LETM1: variants seen among roughly 807,000 people sequenced by gnomAD.
LETM1 encodes leucine zipper and EF-hand containing transmembrane protein 1.
In LETM1, 50 loss-of-function variants were observed where a neutral mutation model predicts 74.5. The ratio of observed to expected loss-of-function variants is 0.67; its 90% CI spans 0.53 to 0.85. LETM1 has a LOEUF of 0.85. Ranked by LOEUF, LETM1 falls within the 40% of genes least tolerant of loss-of-function variation. LETM1 has a pLI of 0.00. For missense variants in LETM1, 824 were observed against 967.8 expected (o/e 0.85, Z 1.97); for synonymous variants, 446 against 407.1 (o/e 1.10, Z -1.15).
At chr4:1,850,677 A>C (rs1409981237) in intron 1 of LETM1, among the ~76,000 whole-genome samples, 1 of 150,384 alleles carries the variant, frequency 6.6e-6, no homozygotes, top group Non-Finnish European at 1.5e-5. Context: ...AATTACTAGA[A>C]CCACAGGCCG....
intron 3 of LETM1, among the ~76,000 whole-genome samples, chr4:1,839,997 C>T (rs1318309196): frequency 1.3e-5 from 2 of 152,152 alleles, no homozygotes; most frequent in Non-Finnish European, 2.9e-5. Flanking sequence ...ATTAATCAAA[C>T]CCAAAGGGGT....
chr4:1,822,324 G>T lies in LETM1; in HGVS notation c.1477-12C>A. The T allele has an allele frequency of 6.8e-7, 1 of 1,480,592 alleles. No individual in the cohort carries two copies. Among genetic ancestry groups the T allele is most frequent in the Non-Finnish European group, 9.0e-7 (1 of 1,105,502 alleles). 91.7% of individuals were successfully genotyped at this position (1,480,592 alleles called of 1,614,324 possible). On this transcript the variant is annotated splice_polypyrimidine_tract_variant and intron_variant, in intron 9 of 13. Transcript: ENST00000302787. ...GGCTCAAAATCCTTCTGAAAGGCAA[G>T]GCGACACCAGCCCAGCGCCCGCCAT...
Position 1,814,120 on chromosome 4 carries a change from A to G in LETM1, c.*304T>C. On this transcript the variant is annotated 3_prime_UTR_variant, in exon 14 of 14. Transcript: ENST00000302787. ...GCAGCACAGTCAGATGCTGAGACTG[A>G]GGCCACACACATGGGGGCGCCTTCC... 2.5e-6 allele frequency: 1 copy of G among 406,438 alleles called. No homozygotes were observed. The highest frequency in any genetic ancestry group is 4.6e-6 in the Non-Finnish European group (1 of 216,344). 25.2% of individuals were successfully genotyped at this position (406,438 alleles called of 1,614,324 possible). A position where few individuals can be genotyped will look rare whatever the true frequency, so the allele number is the denominator to read the frequency against.
intron 6 of LETM1, among the ~76,000 whole-genome samples, chr4:1,827,599 T>C (rs1272844792): frequency 8.1e-6 from 1 of 124,014 alleles, no homozygotes; most frequent in African/African-American, 3.2e-5. Context: ...GAGCACAGGG[T>C]TGGGGGTAAG....
At chr4:1,827,384 G>GAT (rs1207131156) in intron 6 of LETM1, among the ~76,000 whole-genome samples, 1 of 127,208 alleles carries the variant, frequency 7.9e-6, no homozygotes, top group Admixed American at 8.2e-5. Context: ...AAGGTCAGCA[G>GAT]ATAAACAAGT....
rs1712320395 is a variant in LETM1 at position 1,832,739 on chromosome 4, C to T, written c.1080+5G>A. The T allele has an allele frequency of 6.2e-7, 1 of 1,614,044 alleles. No homozygotes were observed. Among genetic ancestry groups the T allele is most frequent in the Non-Finnish European group, 8.5e-7 (1 of 1,179,922 alleles). On this transcript the variant is annotated splice_donor_5th_base_variant and intron_variant, in intron 6 of 13. Transcript: ENST00000302787. ...AGCTGTGGCGCGGAGTATGGCCAGG[C>T]TCACCTTGTCGTCTGCCTTTATGGA...
rs1711798026 is a variant in LETM1 at position 1,822,050 on chromosome 4, C to T, written c.1608+131G>A. The T allele has an allele frequency of 4.1e-6, 4 of 973,478 alleles. No individual in the cohort carries two copies. The East Asian group carries it at 1.2e-4, about 29-fold the overall frequency. 60.3% of individuals were successfully genotyped at this position (973,478 alleles called of 1,614,324 possible). ...GGCCCAGTGGCCTCATCCTCAACCC[C>T]TTGCACCATCTCCTCTCACTGAGGG... On this transcript the variant is annotated intron_variant, in intron 10 of 13. Transcript: ENST00000302787.
chr4:1,839,922 A>T (rs1464844424), intron 3 of LETM1, among the ~76,000 whole-genome samples: 1 of 152,046 alleles, frequency 6.6e-6, no homozygotes, highest in East Asian at 1.9e-4. Flanking sequence ...CATCCTTTGC[A>T]CTATGCTTTA....
rs572553356 is a variant in LETM1 at position 1,828,687 on chromosome 4, A to AC, written c.1081-3005dup. Among the ~76,000 whole-genome samples, 10 of 98,308 alleles carry AC rather than the reference A, an allele frequency of 1.0e-4. No individual in the cohort carries two copies. In the East Asian group the frequency reaches 2.3e-3, roughly 22 times the overall value. 64.5% of individuals were successfully genotyped at this position (98,308 alleles called of 152,430 possible). A position where few individuals can be genotyped will look rare whatever the true frequency, so the allele number is the denominator to read the frequency against. On this transcript the variant is annotated intron_variant, in intron 6 of 13. Transcript: ENST00000302787. ...GGGCAGCTGGCTGGGCGGGGGGCTGACCCCCCAACCTCCCTCCCGGATGGG... is the reference window on the plus strand; with the variant it reads ...GGGCAGCTGGCTGGGCGGGGGGCTGACCCCCCCAACCTCCCTCCCGGATGGG...
At chr4:1,854,731 T>C (rs536277765) in intron 1 of LETM1, among the ~76,000 whole-genome samples, 65 of 152,166 alleles carry the variant, frequency 4.3e-4, no homozygotes, top group African/African-American at 1.4e-3. Context: ...AGGTGGAGGT[T>C]GCAGTGAGCC....
At chr4:1,824,721 C>T (rs901413962) in intron 7 of LETM1, among the ~76,000 whole-genome samples, 4 of 152,234 alleles carry the variant, frequency 2.6e-5, no homozygotes, top group Non-Finnish European at 5.9e-5. Context: ...AGCACCTGCC[C>T]CCCTGCTCAG....
In LETM1 at chr4:1,856,083, CG is replaced by C. The variant is rs1713233847; in HGVS notation, c.-134del. ...GCTGACAGAGGCGGCTGGCCTCGGA[CG>C]GGAGGCGCTCTCCTCAAGGACCCGG... On this transcript the variant is annotated 5_prime_UTR_variant, in exon 1 of 14. Transcript: ENST00000302787. 1 of 450,912 alleles carries C rather than the reference CG, an allele frequency of 2.2e-6. No individual in the cohort carries two copies. 27.9% of individuals were successfully genotyped at this position (450,912 alleles called of 1,614,324 possible).
rs781227394 is a variant in LETM1 at position 1,845,532 on chromosome 4, CTTTTTTCTTTT to C, written c.143+3606_143+3616del. Among the ~76,000 whole-genome samples the C allele has an allele frequency of 2.9e-3, 428 of 147,182 alleles. 1 individual carries two copies. The highest frequency in any genetic ancestry group is 0.018 in the Middle Eastern group (5 of 280). On this transcript the variant is annotated intron_variant, in intron 2 of 13. Transcript: ENST00000302787. ...TGAAACATTACCACCATCCATAATT[CTTTTTTCTTTT>C]TTTTTTCTTTTTTTTTTTTTTCGAG...
rs570525209 is a variant in LETM1, at chr4:1,840,178, G to A, written c.594+1169C>T. ...GGATCACTTGAGGCCAGGAGTTCGA[G>A]AGCAGCCTGGCCAACGCGGTGAAAC... On this transcript the variant is annotated intron_variant, in intron 3 of 13. Coordinates refer to ENST00000302787, the MANE Select transcript of LETM1 (RefSeq NM_012318.3). Among the ~76,000 whole-genome samples, 8 of 152,338 alleles carry A rather than the reference G, an allele frequency of 5.3e-5. No individual in the cohort carries two copies. The South Asian group carries it at 6.2e-4, about 12-fold the overall frequency.
At chr4:1,854,630 T>C (rs1163323737) in intron 1 of LETM1, among the ~76,000 whole-genome samples, 1 of 151,700 alleles carries the variant, frequency 6.6e-6, no homozygotes, top group Non-Finnish European at 1.5e-5. Flanking sequence ...CAGTCTCTAC[T>C]AAAAATACAA....
intron 1 of LETM1, 115 bp from the exon 2 acceptor site, chr4:1,849,324 G>A (rs1199795302): frequency 1.4e-6 from 1 of 717,548 alleles, no homozygotes; most frequent in East Asian, 2.8e-5. Context: ...GAGTGCAATG[G>A]CGTGATCTCG....
At position 1,814,305 on chromosome 4, in the gene LETM1, C is replaced by G; in HGVS notation, c.*119G>C. On this transcript the variant is annotated 3_prime_UTR_variant, in exon 14 of 14. Coordinates refer to ENST00000302787, the MANE Select transcript of LETM1 (RefSeq NM_012318.3). ...AAAATTTACTTGATTATGGAAGTCT[C>G]TGATTTATTCCAGCCAAAATATTAG... 6.8e-7 allele frequency: 1 copy of G among 1,465,644 alleles called. No individual in the cohort carries two copies. Among genetic ancestry groups the G allele is most frequent in the Non-Finnish European group, 9.3e-7 (1 of 1,072,400 alleles). 90.8% of individuals were successfully genotyped at this position (1,465,644 alleles called of 1,614,324 possible).
intron 1 of LETM1, among the ~76,000 whole-genome samples, chr4:1,851,693 G>T (rs1713075695): frequency 6.6e-6 from 1 of 152,182 alleles, no homozygotes; most frequent in Non-Finnish European, 1.5e-5. Flanking sequence ...TCCACATGAA[G>T]AGGGCCCAGC....
chr4:1,849,249 A>C (rs1425215785), intron 1 of LETM1, 40 bp from the exon 2 acceptor site: 1 of 1,418,444 alleles, frequency 7.0e-7, no homozygotes, highest in East Asian at 2.3e-5. Context: ...GTAGTAAATC[A>C]GGGATTTATA....
Sources: allele counts gnomAD v4.1 joint callset (sites outside exome capture counted in the v4.1 genomes callset), GRCh38; gene constraint gnomAD v4.1.1; transcripts MANE v1.5; gene names NCBI Gene and HGNC (gene_info 2026-07-23, HGNC 2026-07-21).